DHX38: variants seen among roughly 807,000 people sequenced by gnomAD.
The protein encoded by DHX38 is DEAH-box helicase 38, also known as pre-mRNA-splicing factor ATP-dependent RNA helicase PRP16.
DHX38 carries 100 observed loss-of-function variants against 153.1 expected under a neutral mutation model. That is an observed-to-expected ratio of 0.65 (90% CI 0.56 to 0.77). The LOEUF is 0.77. Among genes scored for constraint, DHX38 ranks in the 30% least tolerant of loss-of-function variants. DHX38 has a pLI of 0.00. For synonymous variants in DHX38, 650 were observed against 631.7 expected (o/e 1.03, Z -0.43); for missense variants, 1,440 against 1,654.0 (o/e 0.87, Z 2.24).
rs1249553017 is a variant in DHX38, at chr16:72,109,327, C to CTTCCCA, written c.3382-86_3382-81dup. 3.3e-5 allele frequency: 47 copies of CTTCCCA among 1,443,102 alleles called. 1 individual carries two copies. Among genetic ancestry groups the CTTCCCA allele is most frequent in the Admixed American group, 3.2e-4 (16 of 50,010 alleles). 89.4% of individuals were successfully genotyped at this position (1,443,102 alleles called of 1,614,324 possible). On this transcript the variant is annotated intron_variant, in intron 24 of 26. Coordinates refer to ENST00000268482, the MANE Select transcript of DHX38 (RefSeq NM_014003.4). ...GCCTTGCAGGGCCAGGGATTGGGCC[C>CTTCCCA]TTCCCATGTGGCTCCTAATTGTGGA...
At chr16:72,111,118 T>C (rs1304731484) in intron 26 of DHX38, 41 bp downstream of exon 26, 3 of 1,516,376 alleles carry the variant, frequency 2.0e-6, no homozygotes, top group East Asian at 4.9e-5. Context: ...GTGGCACCCA[T>C]CCCAGGAGGC....
At chr16:72,099,699 C>A in intron 7 of DHX38, 33 bp from the exon 8 acceptor site, 1 of 1,612,236 alleles carries the variant, frequency 6.2e-7, no homozygotes, top group South Asian at 1.1e-5. Flanking sequence ...TTGATCTGTC[C>A]CTCACTCCCT....
rs771804787 is a variant in DHX38, at chr16:72,107,332, C to A, written c.2601-8C>A. On this transcript the variant is annotated splice_polypyrimidine_tract_variant and splice_region_variant and intron_variant, in intron 19 of 26. Coordinates refer to ENST00000268482, the MANE Select transcript of DHX38 (RefSeq NM_014003.4). The surrounding 1 kb of genome is among the most constrained non-coding windows in gnomAD (Gnocchi z 5.3). ...TGTGGTGAGAAGATGGGGTCTTCTC[C>A]CCGGCAGGCTCTACACCCAGAGCGC... The A allele has an allele frequency of 6.2e-7, 1 of 1,601,836 alleles. No individual in the cohort carries two copies. The highest frequency in any genetic ancestry group is 1.1e-5 in the South Asian group (1 of 90,568).
Position 72,104,573 on chromosome 16 carries a change from C to A in DHX38, c.2098C>A (p.Pro700Thr), listed in dbSNP as rs767167121. 1.9e-6 allele frequency: 3 copies of A among 1,614,088 alleles called. No individual in the cohort carries two copies. The highest frequency in any genetic ancestry group is 2.5e-6 in the Non-Finnish European group (3 of 1,179,976). ...GTTTGCTGCCTTTTTTGGGAATGTC[C>A]CCATCTTCCACATCCCTGGCCGTAC... ...EKFAAFFGNV[P>T]IFHIPGRTFP... is the part of the protein sequence containing the mutation. Residue 700 changes from proline to threonine, a missense_variant, in exon 15 of 27, where the codon CCC becomes ACC. Transcript: ENST00000268482. This position sits in a 1 kb window ranked among gnomAD's most constrained non-coding sequence, Gnocchi z 4.5.
Position 72,096,905 on chromosome 16 carries a change from A to C in DHX38, c.407A>C (p.Glu136Ala). The change falls in exon 3 of 27, where the codon GAG becomes GCG. Residue 136 changes from glutamate (E) to alanine (A), a missense_variant. Physicochemically the swap from Glu to Ala is moderately radical, Grantham distance 107. Transcript: ENST00000268482. ...TTTTGGGAACGCAGTCGGCAGAGAGAGCGGGAGCGGCGGGAACATGGTGTC... is the reference window on the plus strand; with the variant it reads ...TTTTGGGAACGCAGTCGGCAGAGAGCGCGGGAGCGGCGGGAACATGGTGTC... ...EEFWERSRQR[E>A]RERREHGVYA... The C allele has an allele frequency of 6.2e-7, 1 of 1,614,090 alleles. No individual in the cohort carries two copies. The highest frequency in any genetic ancestry group is 1.1e-5 in the South Asian group (1 of 91,072).
In DHX38 at chr16:72,101,595, T is replaced by C. The variant is rs1372902436; in HGVS notation, c.1482T>C (p.Asp494=). ...EEEPDKAVTE[D]GKVDYRTEQK... ...AGCCAGATAAAGCTGTGACGGAGGA[T>C]GGGAAGGTGGACTACAGGTGGGCAG... Residue 494 remains aspartate, a synonymous_variant, in exon 11 of 27, where the codon GAT becomes GAC. Transcript: ENST00000268482. The C allele has an allele frequency of 6.4e-7, 1 of 1,551,624 alleles. No homozygotes were observed. Among genetic ancestry groups the C allele is most frequent in the Non-Finnish European group, 8.7e-7 (1 of 1,147,028 alleles).
intron 25 of DHX38, among the ~76,000 whole-genome samples, chr16:72,110,000 G>A (rs2042236686): frequency 6.6e-6 from 1 of 152,118 alleles, no homozygotes; most frequent in Admixed American, 6.5e-5. Flanking sequence ...AATACTTAAT[G>A]TCACCTAAGT....
chr16:72,096,332 C>A lies in DHX38; in HGVS notation c.175C>A (p.Arg59=). The part of the protein sequence containing the change: ...LGLDLLASLK[R]REREEKDDGE... The stretch of plus-strand genomic sequence containing the variant: ...ACTGGACTTGCTGGCTTCCCTGAAA[C>A]GGAGAGAGCGAGAGGAGAAGGACGA... The change falls in exon 2 of 27, where the codon CGG becomes AGG. Residue 59 remains arginine, a synonymous_variant. Coordinates refer to ENST00000268482, the MANE Select transcript of DHX38 (RefSeq NM_014003.4). 1 of 1,614,130 alleles carries A rather than the reference C, an allele frequency of 6.2e-7. No individual in the cohort carries two copies. Among genetic ancestry groups the A allele is most frequent in the Non-Finnish European group, 8.5e-7 (1 of 1,180,016 alleles).
chr16:72,095,587 T>C (rs1271783599), intron 1 of DHX38, among the ~76,000 whole-genome samples: 2 of 152,242 alleles, frequency 1.3e-5, no homozygotes, highest in Non-Finnish European at 2.9e-5. Context: ...AAAGAGCTAC[T>C]CTTTATGGTT....
Position 72,105,044 on chromosome 16 carries a change from C to A in DHX38, c.2169C>A (p.Tyr723Ter). The A allele has an allele frequency of 6.2e-7, 1 of 1,614,104 alleles. No homozygotes were observed. The highest frequency in any genetic ancestry group is 8.5e-7 in the Non-Finnish European group (1 of 1,179,988). The change falls in exon 16 of 27, where the codon TAC becomes TAA. Residue 723 changes from tyrosine to a stop codon, truncating the protein, a stop_gained. Coordinates refer to ENST00000268482, the MANE Select transcript of DHX38 (RefSeq NM_014003.4). LOFTEE classifies it high-confidence loss of function. ...TGTTGCAGACCCCACAGGAGGATTACGTGGAGGCTGCAGTGAAGCAGTCCT... is the reference window on the plus strand; with the variant it reads ...TGTTGCAGACCCCACAGGAGGATTAAGTGGAGGCTGCAGTGAAGCAGTCCT... ...ILFSKTPQED[Y>*]VEAAVKQSLQ...
intron 4 of DHX38, 44 bp from the exon 5 acceptor site, chr16:72,098,601 G>A (rs2042053172): frequency 3.7e-6 from 6 of 1,606,640 alleles, no homozygotes; most frequent in Non-Finnish European, 5.1e-6. Flanking sequence ...ACCATGTCAT[G>A]GTTAAGTGAG....
chr16:72,109,384 G>A (rs757221066), intron 24 of DHX38, 31 bp from the exon 25 acceptor site: 2 of 1,608,308 alleles, frequency 1.2e-6, no homozygotes, highest in Non-Finnish European at 1.7e-6. Flanking sequence ...GCCCTCCTGT[G>A]ACCCTCGCCT....
intron 1 of DHX38, 146 bp from the exon 2 acceptor site, chr16:72,095,993 G>A (rs554359994): frequency 3.8e-6 from 3 of 781,016 alleles, no homozygotes; most frequent in Non-Finnish European, 5.9e-6. Context: ...TGATGGAAAG[G>A]TCTTGGAGAG....
chr16:72,109,821 A>G (rs73578565), intron 25 of DHX38: 76 of 218,056 alleles, frequency 3.5e-4, no homozygotes, highest in African/African-American at 1.2e-3. Flanking sequence ...CGTTTGTTCA[A>G]TTTCACTATT....
At chr16:72,095,834 C>T (rs2042006745) in intron 1 of DHX38, among the ~76,000 whole-genome samples, 1 of 151,736 alleles carries the variant, frequency 6.6e-6, no homozygotes, top group Non-Finnish European at 1.5e-5. Context: ...AGAAAGTGTC[C>T]CTTAGTGAGA....
intron 7 of DHX38, 101 bp downstream of exon 7, chr16:72,099,381 C>G: frequency 9.4e-7 from 1 of 1,068,970 alleles, no homozygotes. Context: ...ACACCTGAGC[C>G]CTGTTCAGAC....
chr16:72,103,347 T>A, intron 12 of DHX38, 136 bp downstream of exon 12: 1 of 1,245,666 alleles, frequency 8.0e-7, no homozygotes, highest in Non-Finnish European at 1.1e-6. Flanking sequence ...TCTGACCTCA[T>A]GCCTGGGGTA....
chr16:72,112,660 A>T lies in DHX38; in HGVS notation c.*163A>T. On this transcript the variant is annotated 3_prime_UTR_variant, in exon 27 of 27. Transcript: ENST00000268482. Reference sequence around the variant, plus strand: ...GCTGGACCAGACTCTCTGGCAGAGGAGGTGGAGTTCTTCCATGCAGGAGCA... The same window carrying T: ...GCTGGACCAGACTCTCTGGCAGAGGTGGTGGAGTTCTTCCATGCAGGAGCA... 1.3e-6 allele frequency: 1 copy of T among 790,614 alleles called. No individual in the cohort carries two copies. 49.0% of individuals were successfully genotyped at this position (790,614 alleles called of 1,614,324 possible). A position where few individuals can be genotyped will look rare whatever the true frequency, so the allele number is the denominator to read the frequency against.
intron 3 of DHX38, 69 bp from the exon 4 acceptor site, chr16:72,097,608 C>T: frequency 2.0e-6 from 3 of 1,476,882 alleles, no homozygotes; most frequent in Non-Finnish European, 2.8e-6. Context: ...CCTGTCCTTT[C>T]TCTAGGGTGA....
Sources: gnomAD v4.1 joint callset for allele counts (sites outside exome capture counted in the v4.1 genomes callset) on GRCh38, gnomAD v4.1.1 for gene constraint, Gnocchi (gnomAD v3.1) non-coding constraint, MANE v1.5 for transcripts, NCBI Gene and HGNC (gene_info 2026-07-23, HGNC 2026-07-21) for gene names.